The following CERS6 variants were observed in gnomAD, a reference collection of about 807,000 sequenced individuals.
CERS6 encodes the protein LAG1 homolog, ceramide synthase 6.
In CERS6, 26 loss-of-function variants were observed where a neutral mutation model predicts 56.8. The ratio of observed to expected loss-of-function variants is 0.46; its 90% CI spans 0.34 to 0.63. CERS6 has a LOEUF of 0.63. Ranked by LOEUF, CERS6 falls within the 30% of genes least tolerant of loss-of-function variation. The probability of loss-of-function intolerance (pLI) is 0.01; values close to 1 mark genes in which losing one functional copy is unlikely to be tolerated. For synonymous variants in CERS6, 164 were observed against 173.3 expected (o/e 0.95, Z 0.42); for missense variants, 415 against 467.5 (o/e 0.89, Z 1.04).
intron 4 of CERS6, among the ~76,000 whole-genome samples, chr2:168,655,669 T>C (rs952904358): frequency 6.6e-6 from 1 of 152,014 alleles, no homozygotes; most frequent in Non-Finnish European, 1.5e-5. Flanking sequence ...TTAAAATAGC[T>C]CAAATATACA....
chr2:168,743,192 GTA>G lies in CERS6; in HGVS notation c.846-22390_846-22389del, dbSNP rs372840499. On this transcript the variant is annotated intron_variant, in intron 8 of 9. Coordinates refer to ENST00000305747, the MANE Select transcript of CERS6 (RefSeq NM_203463.3). ...TGTATGTGTGTGTGTATGTGTGTGT[GTA>G]TATATATATGTGTGTGTGTATGTGT... Among the ~76,000 whole-genome samples the G allele has an allele frequency of 1.7e-3, 248 of 146,082 alleles. 1 individual carries two copies. Among genetic ancestry groups the G allele is most frequent in the African/African-American group, 5.5e-3 (218 of 39,874 alleles).
chr2:168,541,708 C>T (rs902380504), intron 1 of CERS6, among the ~76,000 whole-genome samples: 4 of 152,208 alleles, frequency 2.6e-5, no homozygotes, highest in Admixed American at 2.6e-4. Flanking sequence ...TGTAGCCTGT[C>T]ATGCTTGCAG....
intron 4 of CERS6, among the ~76,000 whole-genome samples, chr2:168,636,827 C>T (rs1031761968): frequency 4.6e-5 from 7 of 152,140 alleles, no homozygotes; most frequent in African/African-American, 1.4e-4. Context: ...GGCTGGCATT[C>T]TATCTGAGAG....
At chr2:168,688,600 C>T (rs1275294883) in intron 4 of CERS6, among the ~76,000 whole-genome samples, 1 of 152,060 alleles carries the variant, frequency 6.6e-6, no homozygotes, top group African/African-American at 2.4e-5. Context: ...ATTTAAGATC[C>T]TAGAAAAATG....
intron 1 of CERS6, among the ~76,000 whole-genome samples, chr2:168,534,472 C>A (rs2105364439): frequency 6.7e-6 from 1 of 149,592 alleles, no homozygotes; most frequent in Non-Finnish European, 1.5e-5. Flanking sequence ...TTTCAATGGT[C>A]AGGTCCATTT....
intron 4 of CERS6, among the ~76,000 whole-genome samples, chr2:168,688,758 A>G (rs1040499649): frequency 6.6e-6 from 1 of 152,142 alleles, no homozygotes; most frequent in Non-Finnish European, 1.5e-5. Context: ...GCTTCATCAG[A>G]TTCATGGTAT....
At chr2:168,513,894 C>T (rs896940801) in intron 1 of CERS6, among the ~76,000 whole-genome samples, 4 of 152,114 alleles carry the variant, frequency 2.6e-5, no homozygotes, top group Non-Finnish European at 1.5e-5. Flanking sequence ...GGTCATTCTT[C>T]CAAATCTCAC....
rs185761726 is a variant in CERS6, at chr2:168,513,285, C to A, written c.171-34311C>A. ...TGTAGCCCATGTTACAATTTATGAA[C>A]CAATATTGATACACTGTTATTAAAT... On this transcript the variant is annotated intron_variant, in intron 1 of 9. Coordinates refer to ENST00000305747, the MANE Select transcript of CERS6 (RefSeq NM_203463.3). Among the ~76,000 whole-genome samples the A allele has an allele frequency of 3.2e-4, 49 of 152,242 alleles. No homozygotes were observed. In the East Asian group the frequency reaches 7.9e-3, roughly 25 times the overall value.
At chr2:168,728,635 A>C (rs1683421487) in intron 8 of CERS6, among the ~76,000 whole-genome samples, 1 of 151,214 alleles carries the variant, frequency 6.6e-6, no homozygotes, top group Non-Finnish European at 1.5e-5. Flanking sequence ...AATTACTCTT[A>C]ATATTGAGAA....
intron 6 of CERS6, among the ~76,000 whole-genome samples, chr2:168,701,068 C>T (rs1686793907): frequency 6.6e-6 from 1 of 152,146 alleles, no homozygotes; most frequent in Non-Finnish European, 1.5e-5. Context: ...CCACTTCTAG[C>T]ACAGTGATTG....
At chr2:168,471,710 G>T (rs1353022501) in intron 1 of CERS6, among the ~76,000 whole-genome samples, 2 of 152,146 alleles carry the variant, frequency 1.3e-5, no homozygotes, top group Non-Finnish European at 2.9e-5. Context: ...TTATTCAGGG[G>T]TCAAATATAA....
At chr2:168,555,410 GT>G (rs1229450079) in intron 2 of CERS6, among the ~76,000 whole-genome samples, 1 of 151,926 alleles carries the variant, frequency 6.6e-6, no homozygotes, top group Non-Finnish European at 1.5e-5. Flanking sequence ...TAGCCATTTG[GT>G]TAAACATTAG....
At chr2:168,538,314 C>T (rs927523781) in intron 1 of CERS6, among the ~76,000 whole-genome samples, 1 of 152,036 alleles carries the variant, frequency 6.6e-6, no homozygotes, top group African/African-American at 2.4e-5. Context: ...CTCTCTGACC[C>T]CACTTCATTC....
chr2:168,575,258 C>T (rs1683233654), intron 3 of CERS6, among the ~76,000 whole-genome samples: 1 of 152,104 alleles, frequency 6.6e-6, no homozygotes. Context: ...TTTCACACTG[C>T]TATAAAGATA....
At chr2:168,760,562 C>T (rs560375680) in intron 8 of CERS6, among the ~76,000 whole-genome samples, 1 of 152,212 alleles carries the variant, frequency 6.6e-6, no homozygotes, top group South Asian at 2.1e-4. Flanking sequence ...CAACCACTGT[C>T]CTGAACTCTG....
At chr2:168,457,558 G>A (rs1412155592) in intron 1 of CERS6, among the ~76,000 whole-genome samples, 1 of 152,020 alleles carries the variant, frequency 6.6e-6, no homozygotes, top group East Asian at 1.9e-4. Context: ...TTTCGTAACA[G>A]AAAATATTAT....
chr2:168,647,667 T>C (rs113943005), intron 4 of CERS6, among the ~76,000 whole-genome samples: 1,774 of 152,292 alleles, frequency 0.012, 42 homozygotes, highest in African/African-American at 0.04. Context: ...ATGGCTCTTA[T>C]TATTTTTAGG....
chr2:168,675,163 G>A (rs1338077746), intron 4 of CERS6, among the ~76,000 whole-genome samples: 2 of 151,732 alleles, frequency 1.3e-5, no homozygotes, highest in Non-Finnish European at 1.5e-5. Flanking sequence ...TAGTAGAGAC[G>A]GGGTTTCACC....
intron 3 of CERS6, among the ~76,000 whole-genome samples, chr2:168,577,447 A>G (rs1473741567): frequency 6.6e-6 from 1 of 152,246 alleles, no homozygotes; most frequent in Non-Finnish European, 1.5e-5. Context: ...AGGTCCAGAA[A>G]AAGAGAATAG....
Sources: allele counts gnomAD v4.1 joint callset (sites outside exome capture counted in the v4.1 genomes callset), GRCh38; gene constraint gnomAD v4.1.1; transcripts MANE v1.5; gene names NCBI Gene and HGNC (gene_info 2026-07-23, HGNC 2026-07-21).